Variants in PKP4 observed in about 807,000 individuals in gnomAD.
PKP4 encodes plakophilin-4.
A neutral mutation model predicts 145.1 loss-of-function variants in PKP4; 90 were observed. That is an observed-to-expected ratio of 0.62 (90% CI 0.52 to 0.74). The LOEUF is 0.74. Ranked by LOEUF, PKP4 falls within the 30% of genes least tolerant of loss-of-function variation. PKP4 has a pLI of 0.00. For synonymous variants in PKP4, 563 were observed against 577.2 expected, an observed-to-expected ratio of 0.98 and a Z score of 0.35; for missense variants, 1,340 against 1,482.7, an observed-to-expected ratio of 0.90 and a Z score of 1.58.
At chr2:158,632,975 T>C (rs748433541) in intron 8 of PKP4, among the ~76,000 whole-genome samples, 14 of 152,218 alleles carry the variant, frequency 9.2e-5, no homozygotes, top group Non-Finnish European at 1.8e-4. Flanking sequence ...CTGACATAAT[T>C]AGTAAAGTCA....
At chr2:158,547,309 A>G (rs1459340199) in intron 2 of PKP4, among the ~76,000 whole-genome samples, 2 of 152,222 alleles carry the variant, frequency 1.3e-5, no homozygotes, top group African/African-American at 4.8e-5. Context: ...AATAAATTAT[A>G]TTCATAACAT....
intron 7 of PKP4, 109 bp from the exon 8 acceptor site, chr2:158,631,644 G>A (rs1460755796): frequency 3.2e-6 from 3 of 932,902 alleles, no homozygotes; most frequent in African/African-American, 3.3e-5. Context: ...TCCCACCTCT[G>A]TCTCCCAAAG....
At chr2:158,522,156 C>T (rs1251715698) in intron 1 of PKP4, among the ~76,000 whole-genome samples, 1 of 152,142 alleles carries the variant, frequency 6.6e-6, no homozygotes, top group East Asian at 1.9e-4. Flanking sequence ...ACTTGGTATG[C>T]TTTCACCAAA....
intron 4 of PKP4, among the ~76,000 whole-genome samples, chr2:158,615,757 A>G (rs1412839329): frequency 1.3e-5 from 2 of 152,206 alleles, no homozygotes; most frequent in Non-Finnish European, 2.9e-5. Context: ...CTTTACAGTG[A>G]ATTTCAAGAC....
At chr2:158,665,934 T>C (rs1295559234) in intron 15 of PKP4, 1 of 150,614 alleles carries the variant, frequency 6.6e-6, no homozygotes, top group African/African-American at 2.4e-5. Flanking sequence ...CCAACTAATC[T>C]CTTTGACAGG....
At chr2:158,465,889 C>T (rs924264619) in intron 1 of PKP4, among the ~76,000 whole-genome samples, 1 of 152,184 alleles carries the variant, frequency 6.6e-6, no homozygotes, top group Non-Finnish European at 1.5e-5. Context: ...ATAAACAACT[C>T]AGATGTTAAA....
intron 7 of PKP4, among the ~76,000 whole-genome samples, chr2:158,628,269 A>C (rs1008250279): frequency 9.9e-5 from 15 of 152,114 alleles, no homozygotes; most frequent in Non-Finnish European, 1.6e-4. Context: ...GTGAGCCACC[A>C]CACCCAGCCC....
chr2:158,557,810 C>CT (rs1195655269), intron 2 of PKP4, among the ~76,000 whole-genome samples: 1 of 152,124 alleles, frequency 6.6e-6, no homozygotes, highest in Non-Finnish European at 1.5e-5. Context: ...ATGGAGCTAT[C>CT]TAAGAGGATG....
intron 11 of PKP4, among the ~76,000 whole-genome samples, chr2:158,646,199 A>G (rs150392929): frequency 2.4e-3 from 358 of 152,326 alleles, no homozygotes; most frequent in African/African-American, 8.0e-3. Flanking sequence ...TGCCATACTT[A>G]TAGAGTAGGA....
rs1162217885 is a variant in PKP4, at chr2:158,625,391, G to A, written c.1117G>A (p.Glu373Lys). 1.2e-6 allele frequency: 2 copies of A among 1,613,926 alleles called. No homozygotes were observed. Among genetic ancestry groups the A allele is most frequent in the South Asian group, 1.1e-5 (1 of 91,070 alleles). The change falls in exon 7 of 22, where the codon GAG becomes AAG. Residue 373 changes from glutamate to lysine, a missense_variant. Glu to Lys is a moderately conservative substitution (Grantham distance 56). Coordinates refer to ENST00000389759, the MANE Select transcript of PKP4 (RefSeq NM_003628.6). ...QFGQQQYDIY[E>K]RMVPPRPDSL... ...CGGACAGCAGCAGTATGACATTTAT[G>A]AGAGGATGGTTCCACCCAGGCCAGA...
At chr2:158,601,086 C>T (rs573755364) in intron 3 of PKP4, among the ~76,000 whole-genome samples, 4 of 152,182 alleles carry the variant, frequency 2.6e-5, no homozygotes, top group African/African-American at 9.6e-5. Flanking sequence ...TTGATTTTTT[C>T]ACAATTTAAT....
intron 2 of PKP4, among the ~76,000 whole-genome samples, chr2:158,547,070 G>T (rs77988789): frequency 0.027 from 4,176 of 152,194 alleles, 123 homozygotes; most frequent in East Asian, 0.14. Flanking sequence ...TGGGCCATGG[G>T]GGGGCAGTGG....
At chr2:158,576,521 CAAT>C (rs1301258668) in intron 2 of PKP4, among the ~76,000 whole-genome samples, 1 of 152,176 alleles carries the variant, frequency 6.6e-6, no homozygotes, top group Admixed American at 6.5e-5. Flanking sequence ...ATCAAGCTAA[CAAT>C]GAGAGAAATA....
chr2:158,585,080 G>C (rs2048691296), intron 3 of PKP4, among the ~76,000 whole-genome samples: 1 of 152,164 alleles, frequency 6.6e-6, no homozygotes, highest in Non-Finnish European at 1.5e-5. Context: ...ACTTTTGGAA[G>C]TAAAGCACAG....
intron 1 of PKP4, among the ~76,000 whole-genome samples, chr2:158,507,322 A>G (rs1342710251): frequency 1.3e-5 from 2 of 152,212 alleles, no homozygotes; most frequent in Non-Finnish European, 2.9e-5. Context: ...TATGCCGCTA[A>G]TGGGGTAGCT....
chr2:158,666,869 A>C (rs2057136903), intron 16 of PKP4, among the ~76,000 whole-genome samples: 1 of 152,220 alleles, frequency 6.6e-6, no homozygotes, highest in South Asian at 2.1e-4. Flanking sequence ...TATCCTGAGC[A>C]ACAAAAAATC....
intron 1 of PKP4, among the ~76,000 whole-genome samples, chr2:158,476,536 G>A (rs963012032): frequency 4.0e-5 from 6 of 151,894 alleles, no homozygotes; most frequent in African/African-American, 1.5e-4. Flanking sequence ...TCGCTGTGTT[G>A]CCAAGGTTAG....
At chr2:158,655,218 A>G (rs1045945433) in intron 11 of PKP4, among the ~76,000 whole-genome samples, 4 of 152,192 alleles carry the variant, frequency 2.6e-5, no homozygotes, top group African/African-American at 7.2e-5. Context: ...CCAAGTATAT[A>G]TACTGGCTAA....
intron 3 of PKP4, among the ~76,000 whole-genome samples, chr2:158,596,975 A>G (rs1297650478): frequency 6.6e-6 from 1 of 152,212 alleles, no homozygotes; most frequent in Non-Finnish European, 1.5e-5. Context: ...TTCTTTTCAT[A>G]GATGAGTATA....
Sources: gnomAD v4.1 joint callset for allele counts (sites outside exome capture counted in the v4.1 genomes callset) on GRCh38, gnomAD v4.1.1 for gene constraint, MANE v1.5 for transcripts, NCBI Gene and HGNC (gene_info 2026-07-23, HGNC 2026-07-21) for gene names.